MACROD2: variants seen among roughly 807,000 people sequenced by gnomAD.
MACROD2 encodes ADP-ribose glycohydrolase MACROD2.
Under a neutral mutation model 70.4 loss-of-function variants are expected in MACROD2, and 36 were observed. The ratio of observed to expected loss-of-function variants is 0.51; its 90% confidence interval spans 0.39 to 0.68. MACROD2 has a LOEUF of 0.68. Ranked by LOEUF, MACROD2 falls within the 30% of genes least tolerant of loss-of-function variation. The probability of loss-of-function intolerance (pLI) is 0.00; values close to 1 mark genes in which losing one functional copy is unlikely to be tolerated. For missense variants in MACROD2, 496 were observed against 538.4 expected, an observed-to-expected ratio of 0.92 and a Z score of 0.78; for synonymous variants, 172 against 178.8, an observed-to-expected ratio of 0.96 and a Z score of 0.30.
At chr20:15,684,633 T>C (rs1459860535) in intron 8 of MACROD2, among the ~76,000 whole-genome samples, 1 of 152,230 alleles carries the variant, frequency 6.6e-6, no homozygotes, top group African/African-American at 2.4e-5. Flanking sequence ...TTTTTCAAGA[T>C]AAAGGATTAT....
chr20:15,452,757 C>T (rs1490489698), intron 7 of MACROD2, among the ~76,000 whole-genome samples: 1 of 152,120 alleles, frequency 6.6e-6, no homozygotes, highest in African/African-American at 2.4e-5. Flanking sequence ...GTTCTAATTC[C>T]TGGAGAAGAT....
chr20:14,505,498 A>G (rs1320823031), intron 4 of MACROD2, among the ~76,000 whole-genome samples: 2 of 152,234 alleles, frequency 1.3e-5, no homozygotes, highest in Non-Finnish European at 2.9e-5. Flanking sequence ...AAACACCTAG[A>G]AAGTTCTTAT....
At chr20:14,413,798 T>C (rs1303587496) in intron 3 of MACROD2, among the ~76,000 whole-genome samples, 2 of 151,282 alleles carry the variant, frequency 1.3e-5, no homozygotes, top group African/African-American at 4.8e-5. Context: ...GCTTTTTTTT[T>C]CCTGCTTTTT....
At chr20:14,941,240 T>C (rs2122707497) in intron 5 of MACROD2, among the ~76,000 whole-genome samples, 1 of 152,258 alleles carries the variant, frequency 6.6e-6, no homozygotes, top group East Asian at 1.9e-4. Flanking sequence ...TTTTCCTTTA[T>C]GATTTTATTT....
At chr20:14,263,178 G>A (rs2082114677) in intron 3 of MACROD2, among the ~76,000 whole-genome samples, 1 of 152,080 alleles carries the variant, frequency 6.6e-6, no homozygotes, top group Admixed American at 6.6e-5. Context: ...ACATGGATAG[G>A]CATATCAGTC....
intron 3 of MACROD2, chr20:14,127,549 C>A: frequency 2.1e-6 from 1 of 479,436 alleles, no homozygotes; most frequent in Non-Finnish European, 3.9e-6. Context: ...TTTTTGCAGG[C>A]AATTTTGAGG....
chr20:14,082,663 A>C, intron 2 of MACROD2, among the ~76,000 whole-genome samples: 1 of 150,756 alleles, frequency 6.6e-6, no homozygotes, highest in South Asian at 2.1e-4. Flanking sequence ...ATGATTAGAA[A>C]ATCTATTTAC....
At chr20:14,079,920 C>T (rs143492962) in intron 2 of MACROD2, among the ~76,000 whole-genome samples, 4 of 152,096 alleles carry the variant, frequency 2.6e-5, no homozygotes, top group African/African-American at 7.2e-5. Flanking sequence ...TCCCTACCCC[C>T]AGTCTGTGGA....
At chr20:16,030,777 G>A (rs1231747571) in intron 15 of MACROD2, among the ~76,000 whole-genome samples, 2 of 152,096 alleles carry the variant, frequency 1.3e-5, no homozygotes, top group Non-Finnish European at 2.9e-5. Context: ...AATACATATG[G>A]AAGAGAAAAC....
chr20:14,958,595 G>C (rs934783291), intron 5 of MACROD2, among the ~76,000 whole-genome samples: 2 of 152,274 alleles, frequency 1.3e-5, no homozygotes, highest in African/African-American at 4.8e-5. Flanking sequence ...TGGAAGATCC[G>C]CTGATTAGCC....
chr20:14,194,481 G>T (rs919871537), intron 3 of MACROD2, among the ~76,000 whole-genome samples: 4 of 152,126 alleles, frequency 2.6e-5, no homozygotes, highest in Non-Finnish European at 5.9e-5. Context: ...CTCACCAGCT[G>T]CTGAGACAAA....
chr20:14,962,355 T>G (rs1260509755), intron 5 of MACROD2, among the ~76,000 whole-genome samples: 1 of 151,792 alleles, frequency 6.6e-6, no homozygotes, highest in African/African-American at 2.4e-5. Context: ...CTGGAGTACA[T>G]TGGCTCAATC....
intron 5 of MACROD2, among the ~76,000 whole-genome samples, chr20:15,208,773 C>A (rs1462359416): frequency 6.6e-6 from 1 of 152,158 alleles, no homozygotes; most frequent in Non-Finnish European, 1.5e-5. Flanking sequence ...CCCCAGTTAG[C>A]TTCCACTGAC....
At chr20:14,832,811 G>A (rs1307981975) in intron 5 of MACROD2, among the ~76,000 whole-genome samples, 4 of 152,134 alleles carry the variant, frequency 2.6e-5, no homozygotes, top group Non-Finnish European at 5.9e-5. Context: ...CTTAGCCTGG[G>A]AAGTAGAAGT....
At chr20:14,047,061 G>A (rs575041455) in intron 2 of MACROD2, among the ~76,000 whole-genome samples, 2 of 152,030 alleles carry the variant, frequency 1.3e-5, no homozygotes, top group Admixed American at 1.3e-4. Flanking sequence ...TTACAGATGA[G>A]TATATAATGT....
intron 5 of MACROD2, among the ~76,000 whole-genome samples, chr20:14,764,943 A>C (rs947904603): frequency 1.3e-5 from 2 of 152,070 alleles, no homozygotes; most frequent in Non-Finnish European, 2.9e-5. Context: ...AGCTAAAACT[A>C]TACTGCTTGG....
chr20:14,541,668 A>G (rs1409074550), intron 4 of MACROD2, among the ~76,000 whole-genome samples: 1 of 152,044 alleles, frequency 6.6e-6, no homozygotes, highest in African/African-American at 2.4e-5. Context: ...TTGAGAGGGA[A>G]TGGTGTCTAT....
chr20:14,148,016 C>T (rs1185687474), intron 3 of MACROD2, among the ~76,000 whole-genome samples: 1 of 152,042 alleles, frequency 6.6e-6, no homozygotes, highest in African/African-American at 2.4e-5. Flanking sequence ...CTTTTTATGA[C>T]TCATAAGCAA....
chr20:15,017,073 T>C (rs1340664288), intron 5 of MACROD2, among the ~76,000 whole-genome samples: 1 of 152,154 alleles, frequency 6.6e-6, no homozygotes, highest in Non-Finnish European at 1.5e-5. Context: ...TCTTAGCTCA[T>C]TTCAGCATTA....
Sources: gnomAD v4.1 joint callset for allele counts (sites outside exome capture counted in the v4.1 genomes callset) on GRCh38, gnomAD v4.1.1 for gene constraint, MANE v1.5 for transcripts, NCBI Gene and HGNC (gene_info 2026-07-23, HGNC 2026-07-21) for gene names.